MND1: variants seen among roughly 807,000 people sequenced by gnomAD.
The protein encoded by MND1 is meiotic nuclear divisions 1, also known as meiotic nuclear division protein 1 homolog.
In MND1, 28 loss-of-function variants were observed where a neutral mutation model predicts 35.1. The observed-to-expected ratio is 0.80, with a 90% CI of 0.59 to 1.09. The LOEUF is 1.09. Ranked by LOEUF, MND1 falls within the 50% of genes least tolerant of loss-of-function variation. The pLI, the probability that MND1 is intolerant of heterozygous loss-of-function variation, is 0.00. For synonymous variants in MND1, 69 were observed against 70.5 expected, an observed-to-expected ratio of 0.98 and a Z score of 0.11; for missense variants, 213 against 239.6, an observed-to-expected ratio of 0.89 and a Z score of 0.73.
At chr4:153,400,014 A>T (rs1368962917) in intron 6 of MND1, among the ~76,000 whole-genome samples, 1 of 138,216 alleles carries the variant, frequency 7.2e-6, no homozygotes, top group Non-Finnish European at 1.5e-5. Flanking sequence ...TCATTCCCCC[A>T]CCTCAGCTTC....
chr4:153,389,876 T>C (rs756562082), intron 4 of MND1, among the ~76,000 whole-genome samples: 6 of 152,326 alleles, frequency 3.9e-5, no homozygotes, highest in Non-Finnish European at 8.8e-5. Flanking sequence ...AGATTCTTGT[T>C]TAGTTCACTA....
At chr4:153,370,505 T>C (rs1773764489) in intron 4 of MND1, among the ~76,000 whole-genome samples, 1 of 151,974 alleles carries the variant, frequency 6.6e-6, no homozygotes, top group African/African-American at 2.4e-5. Context: ...CTCCTCCCCT[T>C]AATCACAAAT....
intron 4 of MND1, 49 bp downstream of exon 4, chr4:153,358,671 T>A (rs752754405): frequency 6.5e-6 from 10 of 1,535,470 alleles, no homozygotes; most frequent in Non-Finnish European, 7.0e-6. Context: ...AACGGAGAGT[T>A]GTTTTACTTC....
At chr4:153,394,853 A>G (rs1729155876) in intron 5 of MND1, among the ~76,000 whole-genome samples, 1 of 152,152 alleles carries the variant, frequency 6.6e-6, no homozygotes, top group South Asian at 2.1e-4. Flanking sequence ...CTACTATTTT[A>G]TTTTTTAAAG....
chr4:153,345,373 C>G, intron 1 of MND1: 1 of 985,510 alleles, frequency 1.0e-6, no homozygotes. Flanking sequence ...GTGAAAACGC[C>G]CCGGTTTCTG....
intron 4 of MND1, chr4:153,361,624 G>C (rs1054511783): frequency 2.2e-6 from 1 of 449,724 alleles, no homozygotes; most frequent in African/African-American, 2.0e-5. Context: ...CAGATCACGA[G>C]GTCAGGAGAT....
chr4:153,344,856 G>T, intron 1 of MND1, 116 bp downstream of exon 1: 1 of 1,494,322 alleles, frequency 6.7e-7, no homozygotes, highest in Non-Finnish European at 9.0e-7. Flanking sequence ...GGCCGCGGGA[G>T]CGGTCGCCCG....
At chr4:153,376,634 C>G (rs1728518199) in intron 4 of MND1, among the ~76,000 whole-genome samples, 1 of 152,132 alleles carries the variant, frequency 6.6e-6, no homozygotes. Flanking sequence ...AAGTAACTGA[C>G]CACTACTGAC....
chr4:153,403,090 C>T (rs1195001813), intron 6 of MND1, among the ~76,000 whole-genome samples: 2 of 151,926 alleles, frequency 1.3e-5, no homozygotes, highest in Admixed American at 6.6e-5. Flanking sequence ...GAGCCATGAT[C>T]GTGCCACTCT....
intron 1 of MND1, among the ~76,000 whole-genome samples, chr4:153,348,723 C>A (rs999946586): frequency 6.6e-6 from 1 of 152,042 alleles, no homozygotes; most frequent in Non-Finnish European, 1.5e-5. Context: ...GTTGCCCAGG[C>A]TGGTCTCAAA....
intron 6 of MND1, among the ~76,000 whole-genome samples, chr4:153,400,473 A>G (rs1167657859): frequency 6.6e-6 from 1 of 152,194 alleles, no homozygotes; most frequent in African/African-American, 2.4e-5. Flanking sequence ...AGATAGCTTT[A>G]GGCTAGGAGT....
At chr4:153,382,573 C>T (rs747777444) in intron 4 of MND1, among the ~76,000 whole-genome samples, 1 of 152,158 alleles carries the variant, frequency 6.6e-6, no homozygotes, top group Non-Finnish European at 1.5e-5. Flanking sequence ...TGGCCAGGTA[C>T]TCTAATCACT....
chr4:153,408,930 ATAT>A, intron 6 of MND1, 38 bp from the exon 7 acceptor site: 3 of 656,204 alleles, frequency 4.6e-6, no homozygotes, highest in Non-Finnish European at 6.4e-6. Context: ...ATATATATAT[ATAT>A]AAATACATTT....
chr4:153,395,456 G>C, intron 5 of MND1, among the ~76,000 whole-genome samples: 1 of 152,180 alleles, frequency 6.6e-6, no homozygotes, highest in African/African-American at 2.4e-5. Flanking sequence ...AGAGTTTAGT[G>C]GTTCAGAAAC....
At chr4:153,368,558 GA>G (rs1028213669) in intron 4 of MND1, among the ~76,000 whole-genome samples, 8 of 152,114 alleles carry the variant, frequency 5.3e-5, no homozygotes, top group Admixed American at 5.2e-4. Flanking sequence ...TCACTTTCCT[GA>G]AAAAGGCAAA....
chr4:153,374,190 G>A (rs1023959855), intron 4 of MND1, among the ~76,000 whole-genome samples: 1 of 152,142 alleles, frequency 6.6e-6, no homozygotes, highest in African/African-American at 2.4e-5. Flanking sequence ...TATGGTGGCC[G>A]CAGATCAGCT....
At chr4:153,393,617 G>A (rs1579943053) in intron 4 of MND1, among the ~76,000 whole-genome samples, 1 of 151,772 alleles carries the variant, frequency 6.6e-6, no homozygotes, top group Admixed American at 6.6e-5. Flanking sequence ...GGGATCATGC[G>A]ATCTGCCTGC....
At chr4:153,386,598 C>A (rs541965812) in intron 4 of MND1, among the ~76,000 whole-genome samples, 2 of 152,072 alleles carry the variant, frequency 1.3e-5, no homozygotes, top group Non-Finnish European at 2.9e-5. Flanking sequence ...CCCCTGTAAT[C>A]CCAGCTACTC....
chr4:153,372,619 G>T (rs1307727310), intron 4 of MND1, among the ~76,000 whole-genome samples: 1 of 151,916 alleles, frequency 6.6e-6, no homozygotes, highest in Non-Finnish European at 1.5e-5. Flanking sequence ...TCCCTACACT[G>T]CTCCCCTCCT....
Sources: gnomAD v4.1 joint callset for allele counts (sites outside exome capture counted in the v4.1 genomes callset) on GRCh38, gnomAD v4.1.1 for gene constraint, MANE v1.5 for transcripts, NCBI Gene and HGNC (gene_info 2026-07-23, HGNC 2026-07-21) for gene names.